Variants in FRMD3 observed in about 807,000 individuals in gnomAD.
The protein encoded by FRMD3 is FERM domain-containing protein 3.
In FRMD3, 33 loss-of-function variants were observed where a neutral mutation model predicts 70.2. The ratio of observed to expected loss-of-function variants is 0.47; its 90% confidence interval spans 0.36 to 0.63. The LOEUF is 0.63. FRMD3 is among the 20% of genes least tolerant of loss of function. The pLI, the probability that FRMD3 is intolerant of heterozygous loss-of-function variation, is 0.00. For missense variants in FRMD3, 632 were observed against 711.4 expected (o/e 0.89, Z 1.27); for synonymous variants, 279 against 255.9 (o/e 1.09, Z -0.86).
chr9:83,472,369 C>T (rs907170641), intron 1 of FRMD3, among the ~76,000 whole-genome samples: 1 of 152,108 alleles, frequency 6.6e-6, no homozygotes, highest in Non-Finnish European at 1.5e-5. Context: ...GTGAAACATG[C>T]CCCCAAAGAG....
the FRMD3 span, among the ~76,000 whole-genome samples, chr9:83,568,552 ACTGC>A: frequency 2.0e-5 from 3 of 152,186 alleles, no homozygotes; most frequent in Admixed American, 2.0e-4. Flanking sequence ...AAAGACAAAT[ACTGC>A]CTGATCTTAC....
rs58656596 is a variant in FRMD3 at position 83,246,684 on chromosome 9, C to CACAG, written c.*1233_*1234insCTGT. 4.1e-6 allele frequency: 4 copies of CACAG among 982,272 alleles called. No homozygotes were observed. In the African/African-American group the frequency reaches 7.0e-5, roughly 17 times the overall value. 60.8% of individuals were successfully genotyped at this position (982,272 alleles called of 1,614,324 possible). On this transcript the variant is annotated 3_prime_UTR_variant, in exon 14 of 14. Transcript: ENST00000304195. ...TCTCTCTCTCTCACACACACACACA[C>CACAG]GCACACTCACATACAAACACATTTT...
At chr9:83,500,275 T>TTA (rs1199510703) in intron 1 of FRMD3, among the ~76,000 whole-genome samples, 1 of 152,120 alleles carries the variant, frequency 6.6e-6, no homozygotes, top group African/African-American at 2.4e-5. Flanking sequence ...TAAAAGTTTG[T>TTA]CAATTACAAC....
chr9:83,554,549 C>G, the FRMD3 span, among the ~76,000 whole-genome samples: 1 of 152,216 alleles, frequency 6.6e-6, no homozygotes, highest in Non-Finnish European at 1.5e-5. Flanking sequence ...TGTCTGGTGA[C>G]AAGCCATGGA....
At chr9:83,569,619 CT>C in the FRMD3 span, among the ~76,000 whole-genome samples, 2 of 152,222 alleles carry the variant, frequency 1.3e-5, no homozygotes, top group African/African-American at 4.8e-5. Context: ...AGCTGCTAGA[CT>C]TTTTGACCTG....
intron 1 of FRMD3, among the ~76,000 whole-genome samples, chr9:83,505,455 G>T (rs767935846): frequency 6.6e-6 from 1 of 152,154 alleles, no homozygotes; most frequent in Non-Finnish European, 1.5e-5. Context: ...TTACTAAGAG[G>T]ATTACTTACA....
chr9:83,472,853 G>A (rs1341098580), intron 1 of FRMD3, among the ~76,000 whole-genome samples: 1 of 152,088 alleles, frequency 6.6e-6, no homozygotes, highest in African/African-American at 2.4e-5. Flanking sequence ...TACCTCAAAT[G>A]CACATAATTT....
At chr9:83,501,280 C>T (rs1009842186) in intron 1 of FRMD3, among the ~76,000 whole-genome samples, 3 of 150,878 alleles carry the variant, frequency 2.0e-5, no homozygotes, top group South Asian at 4.2e-4. Flanking sequence ...GGTGACAGAG[C>T]GAGACTCCAT....
At chr9:83,279,626 G>A (rs903898232) in intron 13 of FRMD3, 2 of 152,108 alleles carry the variant, frequency 1.3e-5, no homozygotes, top group African/African-American at 4.8e-5. Context: ...CCATAAAAAA[G>A]AACAAGATCA....
At chr9:83,292,161 C>T (rs996873594) in intron 12 of FRMD3, among the ~76,000 whole-genome samples, 4 of 141,188 alleles carry the variant, frequency 2.8e-5, no homozygotes, top group African/African-American at 5.4e-5. Flanking sequence ...TTAATAAATA[C>T]TTTTTTTTTT....
At chr9:83,262,160 C>T (rs1359635811) in intron 13 of FRMD3, among the ~76,000 whole-genome samples, 1 of 152,206 alleles carries the variant, frequency 6.6e-6, no homozygotes, top group Non-Finnish European at 1.5e-5. Flanking sequence ...TATCTCAACT[C>T]AGAACCCTCC....
chr9:83,276,980 G>A (rs1451022086), intron 13 of FRMD3, among the ~76,000 whole-genome samples: 1 of 152,166 alleles, frequency 6.6e-6, no homozygotes, highest in Non-Finnish European at 1.5e-5. Flanking sequence ...TTACAGGCGT[G>A]AGCCACCGCA....
intron 13 of FRMD3, among the ~76,000 whole-genome samples, chr9:83,284,812 A>C (rs1834121286): frequency 6.6e-6 from 1 of 152,212 alleles, no homozygotes; most frequent in Non-Finnish European, 1.5e-5. Flanking sequence ...TGTTCACGTC[A>C]GACAGGCAGG....
At chr9:83,294,256 A>G (rs1834566721) in intron 12 of FRMD3, among the ~76,000 whole-genome samples, 1 of 152,228 alleles carries the variant, frequency 6.6e-6, no homozygotes, top group Admixed American at 6.5e-5. Context: ...GGTGTTTGCC[A>G]GATGCTCAAT....
intron 1 of FRMD3, among the ~76,000 whole-genome samples, chr9:83,479,874 G>T (rs1828526849): frequency 6.6e-6 from 1 of 151,924 alleles, no homozygotes; most frequent in Non-Finnish European, 1.5e-5. Flanking sequence ...ATAGGAAAAT[G>T]TAAGTCAAGG....
At chr9:83,474,232 C>A (rs1433591246) in intron 1 of FRMD3, among the ~76,000 whole-genome samples, 2 of 152,182 alleles carry the variant, frequency 1.3e-5, no homozygotes, top group East Asian at 1.9e-4. Flanking sequence ...ATCATCATGG[C>A]CTTCACTTCC....
chr9:83,357,226 TTATATATATATAATACATACA>T (rs1309382710), intron 3 of FRMD3, among the ~76,000 whole-genome samples: 3 of 15,324 alleles, frequency 2.0e-4, no homozygotes, highest in East Asian at 2.8e-3. Flanking sequence ...TATATATATT[TTATATATATATAATACATACA>T]TATATATATA....
intron 3 of FRMD3, among the ~76,000 whole-genome samples, chr9:83,362,014 C>T (rs1458989702): frequency 6.6e-6 from 1 of 152,132 alleles, no homozygotes; most frequent in Non-Finnish European, 1.5e-5. Flanking sequence ...TTGTTTTAAG[C>T]CACCCAGTAT....
chr9:83,357,242 CATACATATATATATATATAT>C lies in FRMD3; in HGVS notation c.296-7505_296-7486del, dbSNP rs1251405901. Among the ~76,000 whole-genome samples the C allele has an allele frequency of 7.3e-3, 97 of 13,248 alleles. 7 individuals carry two copies. Among genetic ancestry groups the C allele is most frequent in the South Asian group, 0.03 (8 of 270 alleles). 8.7% of individuals were successfully genotyped at this position (13,248 alleles called of 152,430 possible). A position where few individuals can be genotyped will look rare whatever the true frequency, so the allele number is the denominator to read the frequency against. ...ATATATATTTTATATATATATAATA[CATACATATATATATATATAT>C]ATATATATATATATATATATATATA... On this transcript the variant is annotated intron_variant, in intron 3 of 13. Transcript: ENST00000304195.
Sources: gnomAD v4.1 joint callset for allele counts (sites outside exome capture counted in the v4.1 genomes callset) on GRCh38, gnomAD v4.1.1 for gene constraint, MANE v1.5 for transcripts, NCBI Gene and HGNC (gene_info 2026-07-23, HGNC 2026-07-21) for gene names.